PCDH11X: variants seen among roughly 807,000 people sequenced by gnomAD.
The protein encoded by PCDH11X is protocadherin-11 X-linked.
A neutral mutation model predicts 53.3 loss-of-function variants in PCDH11X; 18 were observed. The observed-to-expected ratio is 0.34, with a 90% CI of 0.23 to 0.50. The LOEUF is 0.50. Ranked by LOEUF, PCDH11X falls within the 20% of genes least tolerant of loss-of-function variation. The pLI is 0.98. For synonymous variants in PCDH11X, 279 were observed against 393.3 expected (o/e 0.71, Z 3.44); for missense variants, 570 against 1,032.4 (o/e 0.55, Z 6.14).
chrX:92,552,131 C>T lies in PCDH11X; in HGVS notation c.3368-66133C>T, dbSNP rs370386864. Among the ~76,000 whole-genome samples, 165 of 98,779 alleles carry T rather than the reference C, an allele frequency of 1.7e-3. 3 individuals are homozygous for T. In the East Asian group the frequency reaches 0.027, roughly 16 times the overall value. 85.8% of individuals were successfully genotyped at this position (98,779 alleles called of 115,157 possible). On this transcript the variant is annotated intron_variant, in intron 10 of 10. Transcript: ENST00000682573. ...AAGATTGCATTGAGTCTGTAGATTG[C>T]TTTGAGTATTATGGATGTTTTAACA...
Position 92,475,092 on chromosome X carries a change from G to A in PCDH11X, c.3367+6770G>A, listed in dbSNP as rs1441210124. Among the ~76,000 whole-genome samples the A allele has an allele frequency of 6.2e-5, 6 of 97,080 alleles. No homozygotes were observed. The South Asian group carries it at 3.2e-3, about 51-fold the overall frequency. 84.3% of individuals were successfully genotyped at this position (97,080 alleles called of 115,157 possible). On this transcript the variant is annotated intron_variant, in intron 10 of 10. Transcript: ENST00000682573. ...AGGCAGGAGAATGGCGTGAACCCGG[G>A]AGGCGGAGCTTGCAGTGAGCCGAGA...
chrX:92,540,076 T>G (rs2074730950), intron 10 of PCDH11X, among the ~76,000 whole-genome samples: 1 of 110,908 alleles, frequency 9.0e-6, no homozygotes, highest in Non-Finnish European at 1.9e-5. Context: ...CTATGTTGAC[T>G]CCAAGGTTCT....
intron 9 of PCDH11X, among the ~76,000 whole-genome samples, chrX:92,395,545 G>A (rs1034704538): frequency 9.0e-6 from 1 of 110,516 alleles, no homozygotes; most frequent in Non-Finnish European, 1.9e-5. Flanking sequence ...ATATAATGAA[G>A]GGATTATACG....
intron 7 of PCDH11X, among the ~76,000 whole-genome samples, chrX:92,233,484 T>C (rs1281563836): frequency 8.9e-6 from 1 of 111,844 alleles, no homozygotes; most frequent in Non-Finnish European, 1.9e-5. Flanking sequence ...GTTATAAGTG[T>C]ATCTATGTTT....
In PCDH11X at chrX:91,879,236, C is replaced by T. The variant is rs376359323; in HGVS notation, c.2996C>T (p.Thr999Met). The change falls in exon 6 of 11, where the codon ACG (threonine) becomes ATG (methionine). Residue 999 changes from threonine to methionine, a missense_variant. Thr to Met is a moderately conservative substitution (Grantham distance 81). Coordinates refer to ENST00000682573, the MANE Select transcript of PCDH11X (RefSeq NM_032968.5). Reference sequence around the variant, plus strand: ...GTTTCTGACTGTGGCTATCCAGTGACGACCTTCGAGGTACCTGTGTCCGTA... The same window carrying T: ...GTTTCTGACTGTGGCTATCCAGTGATGACCTTCGAGGTACCTGTGTCCGTA... ...YSVSDCGYPVTTFEVPVSVHT... is the reference protein window; with the variant it reads ...YSVSDCGYPVMTFEVPVSVHT... 9.1e-6 allele frequency: 11 copies of T among 1,209,916 alleles called. No homozygotes were observed. Among genetic ancestry groups the T allele is most frequent in the Admixed American group, 2.2e-5 (1 of 45,706 alleles).
intron 8 of PCDH11X, among the ~76,000 whole-genome samples, chrX:92,281,399 C>G (rs1361886469): frequency 9.0e-6 from 1 of 111,645 alleles, no homozygotes; most frequent in Non-Finnish European, 1.9e-5. Context: ...TATACATGCA[C>G]TGGGGAAAAA....
At chrX:92,270,897 G>A (rs1365992784) in intron 8 of PCDH11X, among the ~76,000 whole-genome samples, 1 of 111,499 alleles carries the variant, frequency 9.0e-6, no homozygotes, top group Non-Finnish European at 1.9e-5. Flanking sequence ...ATAGTGAATT[G>A]GGCTCCCATG....
chrX:92,400,201 C>T (rs999020799), intron 9 of PCDH11X, among the ~76,000 whole-genome samples: 1 of 111,320 alleles, frequency 9.0e-6, no homozygotes, highest in African/African-American at 3.3e-5. Context: ...AATAACAGGG[C>T]AGATAGGGCA....
intron 8 of PCDH11X, among the ~76,000 whole-genome samples, chrX:92,277,609 G>A (rs1239998002): frequency 9.2e-6 from 1 of 108,547 alleles, no homozygotes; most frequent in East Asian, 2.9e-4. Context: ...AAGTGGTTGG[G>A]GCTCAGAGAT....
chrX:92,005,664 T>G (rs1294459), intron 6 of PCDH11X, among the ~76,000 whole-genome samples: 31,884 of 110,526 alleles, frequency 0.29, 3,705 homozygotes, highest in Middle Eastern at 0.42. Context: ...TATAATATTC[T>G]GTATTTTTCT....
chrX:91,874,917 A>G (rs2147722469), intron 5 of PCDH11X, among the ~76,000 whole-genome samples: 1 of 95,993 alleles, frequency 1.0e-5, no homozygotes, highest in South Asian at 5.5e-4. Context: ...ATAACCTCAG[A>G]TCTTATCCTG....
At chrX:92,147,806 CCTTCCTTTCTTTCTTTCTTTCTTT>C (rs1409236942) in intron 6 of PCDH11X, among the ~76,000 whole-genome samples, 4 of 65,271 alleles carry the variant, frequency 6.1e-5, no homozygotes, top group African/African-American at 2.6e-4. Flanking sequence ...TTCTTTTCTT[CCTTCCTTTCTTTCTTTCTTTCTTT>C]CTTTCTTTCT....
chrX:92,425,542 A>G (rs1221030972), intron 9 of PCDH11X, among the ~76,000 whole-genome samples: 1 of 110,135 alleles, frequency 9.1e-6, no homozygotes, highest in Non-Finnish European at 1.9e-5. Context: ...AAAAGGTTGC[A>G]GGGGAAGATT....
chrX:92,460,532 G>A (rs1454787904), intron 9 of PCDH11X: 2 of 719,262 alleles, frequency 2.8e-6, no homozygotes, highest in African/African-American at 4.0e-5. Context: ...GGTTGGAGCT[G>A]CTGAGATGAC....
At chrX:92,599,017 G>T (rs189543078) in intron 10 of PCDH11X, among the ~76,000 whole-genome samples, 1 of 110,817 alleles carries the variant, frequency 9.0e-6, no homozygotes, top group Non-Finnish European at 1.9e-5. Flanking sequence ...TAGAGTGTAG[G>T]ATATGATTAC....
At chrX:91,784,697 T>A (rs1445125691) in intron 1 of PCDH11X, among the ~76,000 whole-genome samples, 1 of 111,761 alleles carries the variant, frequency 8.9e-6, no homozygotes, top group Non-Finnish European at 1.9e-5. Flanking sequence ...CACTAACAAA[T>A]AGCTCTATCT....
rs930099546 is a variant in PCDH11X, at chrX:92,083,671, C to G, written c.3034-117704C>G. 2.5e-4 allele frequency among the ~76,000 whole-genome samples: 28 copies of G among 111,410 alleles called. No homozygotes were observed. The Admixed American group carries it at 2.6e-3, about 10-fold the overall frequency. On this transcript the variant is annotated intron_variant, in intron 6 of 10. Coordinates refer to ENST00000682573, the MANE Select transcript of PCDH11X (RefSeq NM_032968.5). ...AAAGACCTCTAAAAATGTGTTTTAC[C>G]ATCATTTTGGGTTGTGTTAAACATG... is the stretch of plus-strand genomic sequence containing the variant.
intron 6 of PCDH11X, among the ~76,000 whole-genome samples, chrX:91,895,304 G>A (rs1940697138): frequency 9.0e-6 from 1 of 111,254 alleles, no homozygotes; most frequent in Non-Finnish European, 1.9e-5. Context: ...TTCACATTGA[G>A]AGAAGTATAG....
rs778052448 is a variant in PCDH11X at position 91,905,316 on chromosome X, G to A, written c.3033+26043G>A. 1.1e-3 allele frequency among the ~76,000 whole-genome samples: 116 copies of A among 109,310 alleles called. 1 individual carries two copies. The highest frequency in any genetic ancestry group is 3.6e-3 in the African/African-American group (110 of 30,209). The allele number at this position is 109,310 out of a possible 115,157, so 94.9% of individuals were successfully genotyped here. On this transcript the variant is annotated intron_variant, in intron 6 of 10. Coordinates refer to ENST00000682573, the MANE Select transcript of PCDH11X (RefSeq NM_032968.5). The stretch of plus-strand genomic sequence containing the variant: ...AGCTAATTATTTTAGTTTTTGTAGG[G>A]ACAAGGTCTCACTATATTCCCTCGG...
Sources: allele counts gnomAD v4.1 joint callset (sites outside exome capture counted in the v4.1 genomes callset), GRCh38; gene constraint gnomAD v4.1.1; transcripts MANE v1.5; gene names NCBI Gene and HGNC (gene_info 2026-07-23, HGNC 2026-07-21).